The following SNX29 variants were observed in gnomAD, a reference collection of about 807,000 sequenced individuals.
The protein encoded by SNX29 is sorting nexin 29.
In SNX29, 78 loss-of-function variants were observed where a neutral mutation model predicts 102.1. The observed-to-expected ratio is 0.76, with a 90% CI of 0.64 to 0.92. SNX29 has a LOEUF of 0.92. Ranked by LOEUF, SNX29 falls within the 40% of genes least tolerant of loss-of-function variation. The probability of loss-of-function intolerance (pLI) is 0.00; values close to 1 mark genes in which losing one functional copy is unlikely to be tolerated. For synonymous variants in SNX29, 580 were observed against 414.5 expected (o/e 1.40, Z -4.85); for missense variants, 1,280 against 1,061.7 (o/e 1.21, Z -2.86).
intron 2 of SNX29, among the ~76,000 whole-genome samples, chr16:12,001,115 G>C (rs2056270394): frequency 6.6e-6 from 1 of 152,136 alleles, no homozygotes; most frequent in Admixed American, 6.6e-5. Context: ...GCCCAGAGCT[G>C]CTGCTGTTTT....
rs1203045240 is a variant in SNX29 at position 12,055,213 on chromosome 16, T to A, written c.1124+2991T>A. On this transcript the variant is annotated intron_variant, in intron 8 of 20. Transcript: ENST00000566228. Reference sequence around the variant, plus strand: ...ACCTCTAACTCCATTTCTATCTCTGTTTCTGTGTCTCTGTTTCCTTTCTTT... The same window carrying A: ...ACCTCTAACTCCATTTCTATCTCTGATTCTGTGTCTCTGTTTCCTTTCTTT... Among the ~76,000 whole-genome samples the A allele has an allele frequency of 3.3e-5, 5 of 151,308 alleles. No individual in the cohort carries two copies. The Admixed American group carries it at 3.3e-4, about 10-fold the overall frequency.
At chr16:12,157,502 C>G (rs997895842) in intron 13 of SNX29, among the ~76,000 whole-genome samples, 1 of 152,166 alleles carries the variant, frequency 6.6e-6, no homozygotes, top group African/African-American at 2.4e-5. Context: ...CCTGCTCTCC[C>G]AGAGTGCTCT....
At chr16:12,134,805 T>G (rs2054599567) in intron 13 of SNX29, among the ~76,000 whole-genome samples, 1 of 152,210 alleles carries the variant, frequency 6.6e-6, no homozygotes, top group Admixed American at 6.5e-5. Flanking sequence ...CAGATACTAC[T>G]TGTATTAATG....
chr16:12,561,287 A>G, intron 20 of SNX29: 1 of 230,544 alleles, frequency 4.3e-6, no homozygotes, highest in Non-Finnish European at 8.6e-6. Flanking sequence ...CACAGGGAGA[A>G]CATTCTCCAT....
chr16:12,130,474 C>CAAAAAAA (rs71139578), intron 13 of SNX29, among the ~76,000 whole-genome samples: 3 of 56,122 alleles, frequency 5.3e-5, no homozygotes, highest in Admixed American at 2.4e-4. Context: ...GACTCCGTCT[C>CAAAAAAA]AAAAAAAAAA....
chr16:12,129,713 C>A lies in SNX29; in HGVS notation c.1550C>A (p.Ala517Asp), dbSNP rs765262545. Residue 517 changes from alanine to aspartate, a missense_variant, in exon 13 of 21, where the codon GCT becomes GAT. Transcript: ENST00000566228. ...QEVDTLKRKV[A>D]EQEERQGMKV... Reference sequence around the variant, plus strand: ...GTGGACACCTTGAAAAGGAAGGTGGCTGAACAGGAGGAGCGGCAGGGCATG... The same window carrying A: ...GTGGACACCTTGAAAAGGAAGGTGGATGAACAGGAGGAGCGGCAGGGCATG... The A allele has an allele frequency of 6.2e-7, 1 of 1,610,662 alleles. No individual in the cohort carries two copies. Among genetic ancestry groups the A allele is most frequent in the East Asian group, 2.2e-5 (1 of 44,852 alleles).
rs1274373085 is a variant in SNX29 at position 12,078,853 on chromosome 16, G to A, written c.1340G>A (p.Gly447Asp). 1 of 1,605,292 alleles carries A rather than the reference G, an allele frequency of 6.2e-7. No individual in the cohort carries two copies. The highest frequency in any genetic ancestry group is 8.5e-7 in the Non-Finnish European group (1 of 1,176,134). ...CCTAGTGTGGAAGCCAGCTCTCCAG[G>A]CCACGGAAGTCCTCTGAGCAGCCTG... ...LRYSVEASSP[G>D]HGSPLSSLLP... The change falls in exon 11 of 21, where the codon GGC becomes GAC. Residue 447 changes from glycine (G) to aspartate (D), a missense_variant. Physicochemically the swap from Gly to Asp is moderately conservative, Grantham distance 94. Transcript: ENST00000566228.
At chr16:12,112,921 A>G (rs1468336873) in intron 11 of SNX29, among the ~76,000 whole-genome samples, 1 of 152,200 alleles carries the variant, frequency 6.6e-6, no homozygotes, top group African/African-American at 2.4e-5. Flanking sequence ...TCACCTCTGC[A>G]CTGGATTCAT....
chr16:12,568,749 C>T lies in SNX29; in HGVS notation c.*120C>T. ...CGTCCACCTGGTGATCCTGAGAGCA[C>T]ACGATTCCCAACAGTTACACAACAC... On this transcript the variant is annotated 3_prime_UTR_variant, in exon 21 of 21. Coordinates refer to ENST00000566228, the MANE Select transcript of SNX29 (RefSeq NM_032167.5). 1.4e-6 allele frequency: 2 copies of T among 1,409,480 alleles called. No homozygotes were observed. The highest frequency in any genetic ancestry group is 9.5e-7 in the Non-Finnish European group (1 of 1,056,800). The allele number at this position is 1,409,480 out of a possible 1,614,324, so 87.3% of individuals were successfully genotyped here.
intron 15 of SNX29, among the ~76,000 whole-genome samples, chr16:12,336,387 T>A (rs1301580811): frequency 6.6e-6 from 1 of 152,224 alleles, no homozygotes; most frequent in Non-Finnish European, 1.5e-5. Flanking sequence ...TGAAACTGTG[T>A]CCCTGCTGCC....
chr16:12,546,484 C>T (rs530451366), intron 20 of SNX29: 2 of 152,322 alleles, frequency 1.3e-5, no homozygotes, highest in South Asian at 4.1e-4. Flanking sequence ...GTCAGAAGAA[C>T]AGCACAGGAA....
At chr16:12,041,866 T>C (rs915433031) in intron 4 of SNX29, among the ~76,000 whole-genome samples, 1 of 152,202 alleles carries the variant, frequency 6.6e-6, no homozygotes, top group African/African-American at 2.4e-5. Flanking sequence ...TGTTTGAGGA[T>C]TATAATTCAG....
intron 11 of SNX29, among the ~76,000 whole-genome samples, chr16:12,093,228 G>A (rs1470553862): frequency 6.6e-6 from 1 of 152,154 alleles, no homozygotes; most frequent in East Asian, 1.9e-4. Context: ...AGTTTTGTAG[G>A]GCCCTGATGT....
intron 18 of SNX29, among the ~76,000 whole-genome samples, chr16:12,456,506 C>CGTGTGTGT (rs3072479): frequency 7.4e-5 from 11 of 148,840 alleles, no homozygotes; most frequent in African/African-American, 2.5e-4. Context: ...CATGTGTGCA[C>CGTGTGTGT]GTGTGTGTGT....
chr16:12,489,359 C>A (rs1403702939), intron 19 of SNX29, among the ~76,000 whole-genome samples: 1 of 152,096 alleles, frequency 6.6e-6, no homozygotes, highest in African/African-American at 2.4e-5. Context: ...TTGGAGTTCA[C>A]AACCCCAGGC....
chr16:12,564,341 T>TGAAA (rs2078899345), intron 20 of SNX29, among the ~76,000 whole-genome samples: 1 of 152,214 alleles, frequency 6.6e-6, no homozygotes, highest in African/African-American at 2.4e-5. Context: ...TTTCAGTCAT[T>TGAAA]TCAGGATGTC....
At chr16:12,130,802 G>C (rs1222445701) in intron 13 of SNX29, among the ~76,000 whole-genome samples, 1 of 151,948 alleles carries the variant, frequency 6.6e-6, no homozygotes, top group Non-Finnish European at 1.5e-5. Flanking sequence ...ACATCTCAGA[G>C]ATTGCTCTCG....
intron 19 of SNX29, among the ~76,000 whole-genome samples, chr16:12,509,162 C>T (rs888557217): frequency 2.0e-5 from 3 of 152,190 alleles, no homozygotes; most frequent in African/African-American, 7.2e-5. Context: ...CTAATGCCAC[C>T]ACTGCTGCCA....
At chr16:12,489,271 T>C (rs1192316615) in intron 19 of SNX29, among the ~76,000 whole-genome samples, 4 of 150,470 alleles carry the variant, frequency 2.7e-5, no homozygotes, top group African/African-American at 7.5e-5. Flanking sequence ...TCTTGGTTCA[T>C]CTCTAACACG....
Sources: gnomAD v4.1 joint callset for allele counts (sites outside exome capture counted in the v4.1 genomes callset) on GRCh38, gnomAD v4.1.1 for gene constraint, MANE v1.5 for transcripts, NCBI Gene and HGNC (gene_info 2026-07-23, HGNC 2026-07-21) for gene names.